ITGB3: variants seen among roughly 807,000 people sequenced by gnomAD.
The protein encoded by ITGB3 is integrin beta-3.
In ITGB3, 48 loss-of-function variants were observed where a neutral mutation model predicts 85.8. The observed-to-expected ratio is 0.56, with a 90% CI of 0.44 to 0.71. The LOEUF is 0.71. ITGB3 is among the 30% of genes least tolerant of loss of function. The probability of loss-of-function intolerance (pLI) is 0.00; values close to 1 mark genes in which losing one functional copy is unlikely to be tolerated. For missense variants in ITGB3, 861 were observed against 1,019.1 expected (o/e 0.84, Z 2.11); for synonymous variants, 363 against 395.6 (o/e 0.92, Z 0.98).
At position 47,289,043 on chromosome 17, in the gene ITGB3, T is replaced by C. The variant is rs148308674; in HGVS notation, c.940-638T>C. Among the ~76,000 whole-genome samples the C allele has an allele frequency of 7.4e-3, 1,131 of 152,182 alleles. 17 individuals are homozygous for C. The highest frequency in any genetic ancestry group is 0.026 in the African/African-American group (1,095 of 41,516). ...GGTGGGAGACAGTGGGCCAGATCAC[T>C]GCTGAGTGGAAGAGGGAGAGAGGTG... On this transcript the variant is annotated intron_variant, in intron 6 of 14. Coordinates refer to ENST00000559488, the MANE Select transcript of ITGB3 (RefSeq NM_000212.3).
chr17:47,295,667 A>G (rs926426505), intron 10 of ITGB3, among the ~76,000 whole-genome samples: 34 of 150,652 alleles, frequency 2.3e-4, no homozygotes, highest in Non-Finnish European at 4.1e-4. Context: ...ATGGGACAAG[A>G]GTTTCTGAGG....
intron 12 of ITGB3, among the ~76,000 whole-genome samples, chr17:47,301,119 G>C (rs1040831311): frequency 1.3e-5 from 2 of 152,094 alleles, no homozygotes; most frequent in Non-Finnish European, 2.9e-5. Context: ...TTTGAAATAA[G>C]ACAGACAGAA....
chr17:47,291,176 C>G (rs573092762), intron 9 of ITGB3, 88 bp downstream of exon 9: 2 of 1,507,028 alleles, frequency 1.3e-6, no homozygotes, highest in South Asian at 1.1e-5. Flanking sequence ...AAAAATGGCC[C>G]CCTTCCACCA....
chr17:47,292,639 T>C (rs2065131909), intron 10 of ITGB3, 71 bp downstream of exon 10: 2 of 1,526,676 alleles, frequency 1.3e-6, no homozygotes, highest in Non-Finnish European at 1.8e-6. Flanking sequence ...ACTGGAAACA[T>C]AGGTGAAGGC....
At chr17:47,264,755 C>T (rs532287278) in intron 1 of ITGB3, among the ~76,000 whole-genome samples, 7 of 152,280 alleles carry the variant, frequency 4.6e-5, no homozygotes, top group Admixed American at 4.6e-4. Flanking sequence ...ATGTCTGTGC[C>T]TTGGATCGTC....
Position 47,292,119 on chromosome 17 carries a change from C to A in ITGB3, c.1261-20C>A, listed in dbSNP as rs1300150951. 1 of 1,613,624 alleles carries A rather than the reference C, an allele frequency of 6.2e-7. No individual in the cohort carries two copies. Among genetic ancestry groups the A allele is most frequent in the Non-Finnish European group, 8.5e-7 (1 of 1,179,556 alleles). On this transcript the variant is annotated intron_variant, in intron 9 of 14. Coordinates refer to ENST00000559488, the MANE Select transcript of ITGB3 (RefSeq NM_000212.3). Reference sequence around the variant, plus strand: ...AACTGGGCCCAACTGTGTCTAAATACAATCTTTCTTTCCATCCAGGTGAGC... The same window carrying A: ...AACTGGGCCCAACTGTGTCTAAATAAAATCTTTCTTTCCATCCAGGTGAGC...
chr17:47,291,265 C>T, intron 9 of ITGB3, 177 bp downstream of exon 9: 1 of 695,524 alleles, frequency 1.4e-6, no homozygotes. Flanking sequence ...CAATCTTTTC[C>T]TCTGAGGCTT....
At chr17:47,274,172 C>T (rs933835068) in intron 1 of ITGB3, among the ~76,000 whole-genome samples, 4 of 152,222 alleles carry the variant, frequency 2.6e-5, no homozygotes, top group African/African-American at 2.4e-5. Context: ...CTCAGCCTTG[C>T]CCTGTCACTT....
intron 1 of ITGB3, among the ~76,000 whole-genome samples, chr17:47,254,976 T>C (rs1226150294): frequency 6.6e-6 from 1 of 152,026 alleles, no homozygotes; most frequent in Non-Finnish European, 1.5e-5. Context: ...TTATTATTTA[T>C]TTATTTATTT....
chr17:47,296,239 C>T (rs1213974477), intron 10 of ITGB3, among the ~76,000 whole-genome samples: 1 of 152,178 alleles, frequency 6.6e-6, no homozygotes, highest in Non-Finnish European at 1.5e-5. Flanking sequence ...GTTATGTCCG[C>T]CATCCTTCCT....
rs1050192423 is a variant in ITGB3, at chr17:47,274,071, C to T, written c.80-348C>T. On this transcript the variant is annotated intron_variant, in intron 1 of 14. Coordinates refer to ENST00000559488, the MANE Select transcript of ITGB3 (RefSeq NM_000212.3). ...GATACATTGCCATTTTTCTGGGCCC[C>T]GGAGATATTTTCATTTGCACAATGT... is the stretch of plus-strand genomic sequence containing the variant. Among the ~76,000 whole-genome samples, 6 of 152,228 alleles carry T rather than the reference C, an allele frequency of 3.9e-5. No individual in the cohort carries two copies. The East Asian group carries it at 5.8e-4, about 15-fold the overall frequency.
chr17:47,299,236 C>A lies in ITGB3; in HGVS notation c.1691-72C>A. 1 of 1,396,160 alleles carries A rather than the reference C, an allele frequency of 7.2e-7. No homozygotes were observed. Among genetic ancestry groups the A allele is most frequent in the Non-Finnish European group, 1.0e-6 (1 of 993,254 alleles). 86.5% of individuals were successfully genotyped at this position (1,396,160 alleles called of 1,614,324 possible). A position where few individuals can be genotyped will look rare whatever the true frequency, so the allele number is the denominator to read the frequency against. ...TGTGTGGTTGGGAGAGCAGGATGGT[C>A]GTGTGTAGCCTGCTGCCATGGGAGT... On this transcript the variant is annotated intron_variant, in intron 10 of 14. Transcript: ENST00000559488. The surrounding 1 kb of genome is among the most constrained non-coding windows in gnomAD (Gnocchi z 5.1).
rs983542794 is a variant in ITGB3, at chr17:47,287,176, A to G, written c.884A>G (p.Asn295Ser). The change falls in exon 6 of 15, where the codon AAT becomes AGT. Residue 295 changes from asparagine (N) to serine (S), a missense_variant. Transcript: ENST00000559488. ...AGGCTGGCAGGCATTGTCCAGCCTA[A>G]TGACGGGCAGTGTCATGTTGGTAGT... The part of the protein sequence containing the change: ...DGRLAGIVQP[N>S]DGQCHVGSDN... 4 of 1,614,038 alleles carry G rather than the reference A, an allele frequency of 2.5e-6. No homozygotes were observed. Among genetic ancestry groups the G allele is most frequent in the East Asian group, 2.2e-5 (1 of 44,884 alleles).
In ITGB3 at chr17:47,284,687, C is replaced by T. The variant is rs1317573827; in HGVS notation, c.606C>T (p.Pro202=). The T allele has an allele frequency of 2.5e-6, 4 of 1,614,194 alleles. No homozygotes were observed. Among genetic ancestry groups the T allele is most frequent in the Non-Finnish European group, 3.4e-6 (4 of 1,180,038 alleles). The change falls in exon 4 of 15, where the codon CCC becomes CCT. Residue 202 remains proline, a synonymous_variant. Transcript: ENST00000559488. The part of the protein sequence containing the change: ...YISPPEALEN[P]CYDMKTTCLP... ...CCCCACCAGAGGCCCTCGAAAACCC[C>T]TGCTATGAGTAAGTCCCTCCTCCAG...
chr17:47,259,371 C>G (rs1000464121), intron 1 of ITGB3: 4 of 150,760 alleles, frequency 2.7e-5, no homozygotes, highest in African/African-American at 9.8e-5. Flanking sequence ...GGCTTTTTGG[C>G]CAAAACCAGA....
chr17:47,286,554 A>C, intron 5 of ITGB3, 132 bp downstream of exon 5: 2 of 1,097,484 alleles, frequency 1.8e-6, no homozygotes, highest in Non-Finnish European at 2.7e-6. Context: ...AGTTATGAGT[A>C]GTAAGTTGCT....
chr17:47,298,086 G>A (rs1257569470), intron 10 of ITGB3, among the ~76,000 whole-genome samples: 8 of 152,110 alleles, frequency 5.3e-5, no homozygotes, highest in Admixed American at 4.6e-4. Context: ...GACAGGTTGT[G>A]TTGGTGAACT....
At chr17:47,261,519 C>CTT (rs71365061) in intron 1 of ITGB3, among the ~76,000 whole-genome samples, 22 of 128,042 alleles carry the variant, frequency 1.7e-4, no homozygotes, top group Non-Finnish European at 2.5e-4. Flanking sequence ...GGATCATTGT[C>CTT]TTTTTTTTTT....
At chr17:47,309,951 C>G (rs1485667539) in intron 14 of ITGB3, among the ~76,000 whole-genome samples, 188 bp from the exon 15 acceptor site, 1 of 151,526 alleles carries the variant, frequency 6.6e-6, no homozygotes, top group East Asian at 1.9e-4. Context: ...CTCATCTCCT[C>G]CTGTTATTTC....
Sources: allele counts gnomAD v4.1 joint callset (sites outside exome capture counted in the v4.1 genomes callset), GRCh38; gene constraint gnomAD v4.1.1; non-coding constraint Gnocchi (gnomAD v3.1); transcripts MANE v1.5; gene names NCBI Gene and HGNC (gene_info 2026-07-23, HGNC 2026-07-21).